Variants in CSMD1 observed in about 807,000 individuals in gnomAD.
The protein encoded by CSMD1 is CUB and sushi domain-containing protein 1.
CSMD1 carries 213 observed loss-of-function variants against 417.5 expected under a neutral mutation model. That is an observed-to-expected ratio of 0.51 (90% CI 0.46 to 0.57). The LOEUF (loss-of-function observed/expected upper bound fraction) is 0.57, where lower values mean the gene tolerates loss of function less well. CSMD1 is among the 20% of genes least tolerant of loss of function. CSMD1 has a pLI of 0.00. For synonymous variants in CSMD1, 2,862 were observed against 1,736.8 expected (o/e 1.65, Z -16.11); for missense variants, 6,923 against 4,529.7 (o/e 1.53, Z -15.17).
chr8:3,795,993 A>G (rs1238825839), intron 5 of CSMD1, among the ~76,000 whole-genome samples: 1 of 68,066 alleles, frequency 1.5e-5, no homozygotes, highest in Non-Finnish European at 3.3e-5. Context: ...ATATAGATAT[A>G]TATCTATCAT....
At chr8:3,988,376 C>T (rs1414942575) in intron 5 of CSMD1, among the ~76,000 whole-genome samples, 1 of 152,122 alleles carries the variant, frequency 6.6e-6, no homozygotes, top group African/African-American at 2.4e-5. Context: ...TGGAGGAAAA[C>T]CTGAAATTAT....
At chr8:3,060,651 T>C (rs768472521) in intron 49 of CSMD1, among the ~76,000 whole-genome samples, 7 of 152,200 alleles carry the variant, frequency 4.6e-5, no homozygotes, top group African/African-American at 1.4e-4. Context: ...ACTTGTGCTA[T>C]GGAAACAATC....
At chr8:4,037,876 T>A (rs1252347982) in intron 3 of CSMD1, among the ~76,000 whole-genome samples, 2 of 152,054 alleles carry the variant, frequency 1.3e-5, no homozygotes, top group African/African-American at 4.8e-5. Flanking sequence ...TATACATACG[T>A]ACAATAACTG....
At chr8:3,917,122 T>G (rs2688314) in intron 5 of CSMD1, among the ~76,000 whole-genome samples, 1 of 152,252 alleles carries the variant, frequency 6.6e-6, no homozygotes, top group South Asian at 2.1e-4. Context: ...TCATAAAAGA[T>G]AGTCTAAGAG....
intron 5 of CSMD1, among the ~76,000 whole-genome samples, chr8:3,904,628 T>C (rs941923209): frequency 1.4e-5 from 2 of 147,352 alleles, no homozygotes; most frequent in Admixed American, 1.4e-4. Context: ...TCTTTCTTTC[T>C]CGTTTTCTTT....
chr8:3,617,378 C>T (rs560535513), intron 7 of CSMD1, among the ~76,000 whole-genome samples: 1 of 152,290 alleles, frequency 6.6e-6, no homozygotes, highest in African/African-American at 2.4e-5. Flanking sequence ...AGAATAATTT[C>T]TAAAGAACTC....
chr8:4,127,445 G>A (rs1437622729), intron 3 of CSMD1, among the ~76,000 whole-genome samples: 2 of 97,114 alleles, frequency 2.1e-5, no homozygotes, highest in African/African-American at 4.2e-5. Flanking sequence ...AGTTTTCCAA[G>A]CATTAATGAA....
intron 5 of CSMD1, among the ~76,000 whole-genome samples, chr8:3,870,879 T>C (rs1419701490): frequency 6.6e-6 from 1 of 152,096 alleles, no homozygotes; most frequent in African/African-American, 2.4e-5. Context: ...ATGCCTGAGT[T>C]TAATGTTCCG....
chr8:3,605,545 G>A (rs1207118615), intron 8 of CSMD1, among the ~76,000 whole-genome samples: 1 of 152,118 alleles, frequency 6.6e-6, no homozygotes, highest in Admixed American at 6.5e-5. Flanking sequence ...CACAACACAT[G>A]GGCTATGGAT....
chr8:4,493,822 C>A (rs987153687), intron 2 of CSMD1, among the ~76,000 whole-genome samples: 12 of 152,330 alleles, frequency 7.9e-5, no homozygotes, highest in African/African-American at 2.6e-4. Flanking sequence ...TAGAGGACAT[C>A]ATTCACAGCA....
At chr8:3,323,968 C>T (rs368034848) in intron 23 of CSMD1, among the ~76,000 whole-genome samples, 1 of 134,502 alleles carries the variant, frequency 7.4e-6, no homozygotes, top group South Asian at 2.6e-4. Flanking sequence ...TCCTTCACCC[C>T]ACCTTTCATC....
At chr8:3,021,683 G>A (rs1809410638) in intron 51 of CSMD1, among the ~76,000 whole-genome samples, 1 of 116,244 alleles carries the variant, frequency 8.6e-6, no homozygotes, top group Admixed American at 9.0e-5. Context: ...ACAGCGTCCG[G>A]AATGCACCTG....
intron 2 of CSMD1, among the ~76,000 whole-genome samples, chr8:4,554,470 C>T (rs374344869): frequency 2.0e-5 from 3 of 152,052 alleles, no homozygotes; most frequent in South Asian, 2.1e-4. Flanking sequence ...AGAATGTTCA[C>T]GTAATAATTT....
rs185380925 is a variant in CSMD1, at chr8:4,173,561, T to C, written c.416-141462A>G. 9.9e-5 allele frequency among the ~76,000 whole-genome samples: 15 copies of C among 152,238 alleles called. No homozygotes were observed. In the East Asian group the frequency reaches 2.7e-3, roughly 27 times the overall value. ...TTACAAGAAAGGAGAAAGATAAAAT[T>C]ATCAAATGATGTAACAATATGATTC... On this transcript the variant is annotated intron_variant, in intron 3 of 69. Coordinates refer to ENST00000635120, the MANE Select transcript of CSMD1 (RefSeq NM_033225.6).
chr8:4,915,674 C>T (rs1381166083), intron 1 of CSMD1, among the ~76,000 whole-genome samples: 1 of 152,182 alleles, frequency 6.6e-6, no homozygotes, highest in Non-Finnish European at 1.5e-5. Flanking sequence ...ACGTTAGCGC[C>T]CGGCGGCAGT....
chr8:3,771,375 C>A (rs1798564863), intron 5 of CSMD1, among the ~76,000 whole-genome samples: 1 of 152,186 alleles, frequency 6.6e-6, no homozygotes, highest in Non-Finnish European at 1.5e-5. Context: ...GCTTCACACT[C>A]TGCAAAAAGA....
At chr8:3,280,146 G>T (rs1321498263) in intron 26 of CSMD1, among the ~76,000 whole-genome samples, 1 of 152,108 alleles carries the variant, frequency 6.6e-6, no homozygotes, top group Non-Finnish European at 1.5e-5. Flanking sequence ...CACCCATGCT[G>T]GGGCTTCTTA....
intron 1 of CSMD1, among the ~76,000 whole-genome samples, chr8:4,753,332 A>G (rs1811459754): frequency 6.6e-6 from 1 of 151,856 alleles, no homozygotes; most frequent in Non-Finnish European, 1.5e-5. Context: ...AAAAGGGGCT[A>G]GCACTGTCTG....
chr8:3,256,572 T>G (rs2117063154), intron 26 of CSMD1, among the ~76,000 whole-genome samples: 1 of 152,344 alleles, frequency 6.6e-6, no homozygotes. Context: ...TTGCTTTATG[T>G]CTCCTGACAA....
Sources: gnomAD v4.1 joint callset for allele counts (sites outside exome capture counted in the v4.1 genomes callset) on GRCh38, gnomAD v4.1.1 for gene constraint, MANE v1.5 for transcripts, NCBI Gene and HGNC (gene_info 2026-07-23, HGNC 2026-07-21) for gene names.